The following ACLY variants were observed in gnomAD, a reference collection of about 807,000 sequenced individuals.
ACLY encodes ATP-citrate synthase.
ACLY carries 41 observed loss-of-function variants against 133.0 expected under a neutral mutation model. That is an observed-to-expected ratio of 0.31 (90% CI 0.24 to 0.40). ACLY has a LOEUF of 0.40. Among genes scored for constraint, ACLY ranks in the 10% least tolerant of loss-of-function variants. The probability of loss-of-function intolerance (pLI) is 1.00; values close to 1 mark genes in which losing one functional copy is unlikely to be tolerated. For missense variants in ACLY, 1,046 were observed against 1,453.8 expected (o/e 0.72, Z 4.56); for synonymous variants, 495 against 549.3 (o/e 0.90, Z 1.38).
chr17:41,889,955 G>A (rs896036026), intron 16 of ACLY, among the ~76,000 whole-genome samples: 4 of 152,252 alleles, frequency 2.6e-5, no homozygotes, highest in Admixed American at 2.0e-4. Flanking sequence ...TTCCAGATGT[G>A]AGTCACCGCA....
Position 41,887,611 on chromosome 17 carries a change from G to A in ACLY, c.1863C>T (p.Ile621=), listed in dbSNP as rs782184263. ...AGGGGAAGCTCACAGTGGCAGGTCC[G>A]ATGATGGTCACTCCCTTCTGGTCCG... ...KKADQKGVTI[I]GPATVGGIKP... Residue 621 remains isoleucine (I), a synonymous_variant, in exon 17 of 29, where the codon ATC becomes ATT. Coordinates refer to ENST00000352035, the MANE Select transcript of ACLY (RefSeq NM_001096.3). 62 of 1,613,600 alleles carry A rather than the reference G, an allele frequency of 3.8e-5. No individual in the cohort carries two copies. The highest frequency in any genetic ancestry group is 5.0e-5 in the Non-Finnish European group (59 of 1,179,746).
chr17:41,919,450 G>A (rs1555635152), upstream of ACLY, among the ~76,000 whole-genome samples: 25 of 152,238 alleles, frequency 1.6e-4, no homozygotes. Flanking sequence ...TTAAGCAGCA[G>A]TGTCTGGCAG....
rs1555627646 is a variant in ACLY, at chr17:41,883,155, G to A, written c.2232C>T (p.Cys744=). 2.5e-6 allele frequency: 4 copies of A among 1,613,932 alleles called. No homozygotes were observed. In the African/African-American group the frequency reaches 5.3e-5, roughly 22 times the overall value. Residue 744 remains cysteine, a synonymous_variant, in exon 20 of 29, where the codon TGC becomes TGT. Transcript: ENST00000352035. ...GRLTKPIVCW[C]IGTCATMFSS... The stretch of plus-strand genomic sequence containing the variant: ...AGAACATGGTGGCACACGTCCCGAT[G>A]CACCAGCAGACGATGGGCTTAGTGA...
At chr17:41,902,592 C>T (rs2049572682) in intron 10 of ACLY, among the ~76,000 whole-genome samples, 1 of 152,226 alleles carries the variant, frequency 6.6e-6, no homozygotes, top group African/African-American at 2.4e-5. Flanking sequence ...AGTTCTGTTT[C>T]TCAAGACAGA....
intron 14 of ACLY, among the ~76,000 whole-genome samples, chr17:41,894,682 G>A (rs1188116350): frequency 6.6e-6 from 1 of 151,324 alleles, no homozygotes; most frequent in Non-Finnish European, 1.5e-5. Context: ...TTTTAATGCA[G>A]CAAGTATATT....
chr17:41,913,736 G>C lies in ACLY; in HGVS notation c.138C>G (p.Asp46Glu), dbSNP rs1285393039. 1.2e-6 allele frequency: 2 copies of C among 1,614,162 alleles called. No individual in the cohort carries two copies. Among genetic ancestry groups the C allele is most frequent in the Non-Finnish European group, 8.5e-7 (1 of 1,180,024 alleles). ...TCACCTGGCTGAGCAGCCAGGGGTGGTCCTGCAGCAAGCGGGCCCAGTCTG... is the reference window on the plus strand; with the variant it reads ...TCACCTGGCTGAGCAGCCAGGGGTGCTCCTGCAGCAAGCGGGCCCAGTCTG... ...PDTDWARLLQ[D>E]HPWLLSQNLV... Residue 46 changes from aspartate to glutamate, a missense_variant, in exon 2 of 29, where the codon GAC becomes GAG. Transcript: ENST00000352035.
chr17:41,915,514 C>A (rs1341568876), intron 1 of ACLY, among the ~76,000 whole-genome samples: 1 of 152,184 alleles, frequency 6.6e-6, no homozygotes, highest in Non-Finnish European at 1.5e-5. Context: ...GGTTCTCATC[C>A]TGGCTTGGCT....
chr17:41,901,040 A>G (rs1968494), intron 11 of ACLY, among the ~76,000 whole-genome samples: 134,072 of 151,540 alleles, frequency 0.88, 59,662 homozygotes, highest in East Asian at 1. Context: ...CTGCAGCCTC[A>G]ACCTCCCAGG....
In ACLY at chr17:41,883,195, A is replaced by T. The variant is rs1555627659; in HGVS notation, c.2192T>A (p.Ile731Asn). ...GGGCTTAGTGAGGCGGCCCTCCTTG[A>T]TGCCCCGGCAAATCTTATATTCCTC... Reference protein sequence around the residue: ...GTEEYKICRGIKEGRLTKPIV... With the variant: ...GTEEYKICRGNKEGRLTKPIV... The change falls in exon 20 of 29, where the codon ATC (isoleucine) becomes AAC (asparagine). Residue 731 changes from isoleucine to asparagine, a missense_variant. Ile to Asn is a moderately radical substitution (Grantham distance 149). This residue lies in a region of ACLY where 575 missense variants were observed against 804.2 expected (regional missense o/e 0.71). Transcript: ENST00000352035. 6.2e-7 allele frequency: 1 copy of T among 1,614,014 alleles called. No individual in the cohort carries two copies. The highest frequency in any genetic ancestry group is 2.2e-5 in the East Asian group (1 of 44,882).
chr17:41,915,938 C>T (rs2050039678), intron 1 of ACLY, among the ~76,000 whole-genome samples: 1 of 152,122 alleles, frequency 6.6e-6, no homozygotes, highest in Non-Finnish European at 1.5e-5. Context: ...GGCTATGCCT[C>T]TCTAGAAGAA....
chr17:41,907,659 C>T, intron 6 of ACLY, 87 bp from the exon 7 acceptor site: 3 of 1,470,532 alleles, frequency 2.0e-6, no homozygotes, highest in Non-Finnish European at 2.8e-6. Flanking sequence ...ACACCGATCC[C>T]ATGGTGGCCC....
chr17:41,905,397 T>C, intron 9 of ACLY, 125 bp downstream of exon 9: 2 of 1,300,028 alleles, frequency 1.5e-6, no homozygotes, highest in South Asian at 2.7e-5. Context: ...AGTTCAATGA[T>C]TAGCCTCAAG....
rs2049972310 is a variant in ACLY at position 41,913,771 on chromosome 17, T to C, written c.103A>G (p.Thr35Ala). 6.2e-7 allele frequency: 1 copy of C among 1,614,074 alleles called. No individual in the cohort carries two copies. The highest frequency in any genetic ancestry group is 8.5e-7 in the Non-Finnish European group (1 of 1,179,992). ...IQNRFKYARVTPDTDWARLLQ... is the reference protein window; with the variant it reads ...IQNRFKYARVAPDTDWARLLQ... ...AAGCGGGCCCAGTCTGTGTCAGGAG[T>C]GACCCGAGCATACTTGAACCGATTC... is the stretch of plus-strand genomic sequence containing the variant. The change falls in exon 2 of 29, where the codon ACT becomes GCT. Residue 35 changes from threonine (T) to alanine (A), a missense_variant. By Grantham distance (58) the Thr-to-Ala change is moderately conservative (BLOSUM62 0). This residue lies in a region of ACLY where 227 missense variants were observed against 245.6 expected (regional missense o/e 0.92). Transcript: ENST00000352035.
chr17:41,891,029 G>GTT (rs2049196953), intron 16 of ACLY, among the ~76,000 whole-genome samples: 1 of 151,850 alleles, frequency 6.6e-6, no homozygotes, highest in African/African-American at 2.4e-5. Context: ...ATCCTGATTT[G>GTT]TTTTTTTGTT....
At chr17:41,916,212 C>T (rs1273200023) in intron 1 of ACLY, among the ~76,000 whole-genome samples, 5 of 152,036 alleles carry the variant, frequency 3.3e-5, no homozygotes, top group African/African-American at 1.2e-4. Context: ...GGCTTAGAGA[C>T]GGGAGGTTGA....
In ACLY at chr17:41,905,672, A is replaced by G; in HGVS notation, c.867-14T>C. 2 of 1,614,160 alleles carry G rather than the reference A, an allele frequency of 1.2e-6. No homozygotes were observed. Among genetic ancestry groups the G allele is most frequent in the African/African-American group, 1.3e-5 (1 of 75,046 alleles). Reference sequence around the variant, plus strand: ...CAGATGGTATCGCTGCCAAGGAGACAGAAGTCAGTGATGGCTCTCACACTT... The same window carrying G: ...CAGATGGTATCGCTGCCAAGGAGACGGAAGTCAGTGATGGCTCTCACACTT... On this transcript the variant is annotated splice_polypyrimidine_tract_variant and intron_variant, in intron 8 of 28. Transcript: ENST00000352035.
At chr17:41,921,507 AAAAGG>A (rs1289124670), upstream of ACLY, among the ~76,000 whole-genome samples, 16 of 151,150 alleles carry the variant, frequency 1.1e-4, no homozygotes, top group African/African-American at 3.4e-4. Flanking sequence ...AAAAAAGAAA[AAAAGG>A]AAAAGAAAAG....
intron 16 of ACLY, among the ~76,000 whole-genome samples, chr17:41,888,958 A>G (rs2049128184): frequency 6.6e-6 from 1 of 152,104 alleles, no homozygotes; most frequent in Non-Finnish European, 1.5e-5. Flanking sequence ...ATCTCTCCTA[A>G]AAATACAAAA....
rs199892338 is a variant in ACLY, at chr17:41,906,659, C to T, written c.748-13G>A. ...CAATGTAGGCTTCCTGGGGACCAGA[C>T]AGCAACAGGTAGGCCCTTGGGGTAC... On this transcript the variant is annotated splice_polypyrimidine_tract_variant and intron_variant, in intron 7 of 28. Transcript: ENST00000352035. The T allele has an allele frequency of 9.9e-6, 16 of 1,611,438 alleles. No individual in the cohort carries two copies. Among genetic ancestry groups the T allele is most frequent in the African/African-American group, 6.7e-5 (5 of 75,010 alleles).
Sources: allele counts gnomAD v4.1 joint callset (sites outside exome capture counted in the v4.1 genomes callset), GRCh38; gene constraint gnomAD v4.1.1; regional missense constraint gnomAD v4.1.1; transcripts MANE v1.5; gene names NCBI Gene and HGNC (gene_info 2026-07-23, HGNC 2026-07-21).